Variants in KDM6A observed in about 807,000 individuals in gnomAD.
KDM6A encodes lysine demethylase 6A, also known as lysine-specific demethylase 6A.
In KDM6A, 11 loss-of-function variants were observed where a neutral mutation model predicts 117.6. The observed-to-expected ratio is 0.09, with a 90% confidence interval of 0.06 to 0.15. The LOEUF (loss-of-function observed/expected upper bound fraction) is 0.15, where lower values mean the gene tolerates loss of function less well. Among genes scored for constraint, KDM6A ranks in the 10% least tolerant of loss-of-function variants. The pLI is 1.00. For synonymous variants in KDM6A, 384 were observed against 396.1 expected, an observed-to-expected ratio of 0.97 and a Z score of 0.36; for missense variants, 799 against 1,077.3, an observed-to-expected ratio of 0.74 and a Z score of 3.62.
intron 14 of KDM6A, 73 bp from the exon 15 acceptor site, chrX:45,061,251 C>T (rs2147973161): frequency 1.7e-6 from 1 of 586,107 alleles, no homozygotes; most frequent in Middle Eastern, 3.3e-4. Context: ...ATTTGGCCTC[C>T]TCTAACCATT....
intron 4 of KDM6A, among the ~76,000 whole-genome samples, chrX:45,008,873 A>G (rs1453305691): frequency 8.9e-6 from 1 of 112,219 alleles, no homozygotes; most frequent in Admixed American, 9.4e-5. Flanking sequence ...CTTCTGTAAT[A>G]TAATTTCCTC....
chrX:44,968,839 G>A (rs1420703175), intron 3 of KDM6A, among the ~76,000 whole-genome samples: 1 of 110,048 alleles, frequency 9.1e-6, no homozygotes, highest in Non-Finnish European at 1.9e-5. Context: ...GCGTGGTGGC[G>A]CATGCCTGTA....
chrX:44,938,657 A>G (rs1033020524), intron 2 of KDM6A, among the ~76,000 whole-genome samples: 31 of 112,709 alleles, frequency 2.8e-4, no homozygotes, highest in Non-Finnish European at 4.3e-4. Context: ...TTTTCCATCT[A>G]TATGAAACAG....
chrX:45,008,914 A>G (rs1260441601), intron 4 of KDM6A, among the ~76,000 whole-genome samples: 2 of 112,276 alleles, frequency 1.8e-5, no homozygotes, highest in African/African-American at 3.2e-5. Flanking sequence ...TGAGGACTTA[A>G]TAAAATGAAA....
intron 8 of KDM6A, among the ~76,000 whole-genome samples, chrX:45,051,398 T>C (rs912783587): frequency 9.0e-6 from 1 of 111,710 alleles, no homozygotes; most frequent in African/African-American, 3.3e-5. Flanking sequence ...TCTAATGTTA[T>C]TAAATAAAAT....
intron 6 of KDM6A, among the ~76,000 whole-genome samples, chrX:45,029,486 C>T (rs1482896527): frequency 9.2e-6 from 1 of 109,152 alleles, no homozygotes; most frequent in East Asian, 2.9e-4. Context: ...CTGGTGTGTG[C>T]CAGTAATCCC....
At chrX:45,059,890 C>A (rs1388401324) in intron 12 of KDM6A, 132 bp from the exon 13 acceptor site, 20 of 983,004 alleles carry the variant, frequency 2.0e-5, no homozygotes, top group Non-Finnish European at 2.5e-5. Context: ...TACTTAGTGT[C>A]TTCTAAAGCC....
At chrX:44,876,968 T>C (rs5952648) in intron 2 of KDM6A, among the ~76,000 whole-genome samples, 8 of 82,514 alleles carry the variant, frequency 9.7e-5, no homozygotes, top group African/African-American at 2.2e-4. Context: ...CGCACGTATA[T>C]GAATACGTAT....
chrX:44,958,611 T>TTTTTTG (rs2038489612), intron 2 of KDM6A, among the ~76,000 whole-genome samples: 1 of 86,772 alleles, frequency 1.2e-5, no homozygotes, highest in African/African-American at 4.3e-5. Context: ...GACCTTTTTT[T>TTTTTTG]TTTTTTTTTT....
chrX:45,048,171 A>AC (rs1368242454), intron 8 of KDM6A, among the ~76,000 whole-genome samples: 1 of 108,116 alleles, frequency 9.2e-6, no homozygotes, highest in Non-Finnish European at 1.9e-5. Context: ...AAAAAAAAAA[A>AC]AAAAAAAAAC....
At chrX:44,982,599 A>G (rs910845907) in intron 4 of KDM6A, among the ~76,000 whole-genome samples, 2 of 111,806 alleles carry the variant, frequency 1.8e-5, no homozygotes, top group Admixed American at 1.9e-4. Flanking sequence ...TGGGTATGCT[A>G]ATTATAGATA....
chrX:44,940,455 CTCACAGTAGTGGTG>C (rs1306907757), intron 2 of KDM6A, among the ~76,000 whole-genome samples: 1 of 111,964 alleles, frequency 8.9e-6, no homozygotes, highest in African/African-American at 3.2e-5. Flanking sequence ...AGCTGTCAAG[CTCACAGTAGTGGTG>C]GGTTGAAGTT....
rs1481702325 is a variant in KDM6A, at chrX:45,045,042, G to T, written c.655-6667G>T. Reference sequence around the variant, plus strand: ...AAAATTCCAGCTGATACATAAGTTTGTGATAAATATGTAGGGTTTATTTCA... The same window carrying T: ...AAAATTCCAGCTGATACATAAGTTTTTGATAAATATGTAGGGTTTATTTCA... On this transcript the variant is annotated intron_variant, in intron 8 of 29. Transcript: ENST00000611820. Among the ~76,000 whole-genome samples the T allele has an allele frequency of 5.4e-5, 6 of 111,628 alleles. No individual in the cohort carries two copies. In the East Asian group the frequency reaches 1.7e-3, roughly 31 times the overall value.
intron 7 of KDM6A, among the ~76,000 whole-genome samples, chrX:45,036,620 C>A (rs2042824409): frequency 9.0e-6 from 1 of 111,555 alleles, no homozygotes; most frequent in Non-Finnish European, 1.9e-5. Flanking sequence ...TAATTTATAC[C>A]TTTTTCTTAA....
chrX:45,035,136 G>A, intron 7 of KDM6A, 151 bp downstream of exon 7: 1 of 497,241 alleles, frequency 2.0e-6, no homozygotes, highest in South Asian at 2.9e-5. Flanking sequence ...TACATAAATG[G>A]AACCTGCAAG....
At chrX:44,885,478 A>G (rs748165468) in intron 2 of KDM6A, among the ~76,000 whole-genome samples, 2 of 111,415 alleles carry the variant, frequency 1.8e-5, no homozygotes, top group African/African-American at 6.5e-5. Context: ...AGTGACAGAA[A>G]GGATGGTACA....
At chrX:44,939,597 G>T (rs1292756103) in intron 2 of KDM6A, among the ~76,000 whole-genome samples, 6 of 112,440 alleles carry the variant, frequency 5.3e-5, no homozygotes, top group African/African-American at 1.9e-4. Flanking sequence ...TAACAGAGTA[G>T]TGGCAGGGTT....
chrX:44,909,399 T>C (rs746065696), intron 2 of KDM6A, among the ~76,000 whole-genome samples: 14 of 111,696 alleles, frequency 1.3e-4, no homozygotes, highest in Middle Eastern at 4.7e-3. Context: ...TTCACTCTTA[T>C]TTGTATTGTT....
chrX:44,954,634 T>A (rs746017765), intron 2 of KDM6A, among the ~76,000 whole-genome samples: 2 of 111,323 alleles, frequency 1.8e-5, no homozygotes, highest in Non-Finnish European at 3.8e-5. Flanking sequence ...GATGTGGGGT[T>A]GGAGTAGAGT....
Sources: allele counts gnomAD v4.1 joint callset (sites outside exome capture counted in the v4.1 genomes callset), GRCh38; gene constraint gnomAD v4.1.1; transcripts MANE v1.5; gene names NCBI Gene and HGNC (gene_info 2026-07-23, HGNC 2026-07-21).